The following FBLN5 variants were observed in gnomAD, a reference collection of about 807,000 sequenced individuals.
FBLN5 encodes fibulin-5.
Under a neutral mutation model 61.6 loss-of-function variants are expected in FBLN5, and 24 were observed. The observed-to-expected ratio is 0.39, with a 90% CI of 0.28 to 0.55. The LOEUF (loss-of-function observed/expected upper bound fraction) is 0.55. Ranked by LOEUF, FBLN5 falls within the 20% of genes least tolerant of loss-of-function variation. The pLI is 0.65. For missense variants in FBLN5, 470 were observed against 594.1 expected (o/e 0.79, Z 2.17); for synonymous variants, 213 against 219.8 (o/e 0.97, Z 0.27).
Position 91,870,076 on chromosome 14 carries a change from G to A in FBLN5, c.*148C>T, listed in dbSNP as rs897045795. 2.5e-6 allele frequency: 2 copies of A among 788,128 alleles called. No homozygotes were observed. Among genetic ancestry groups the A allele is most frequent in the Non-Finnish European group, 4.3e-6 (2 of 463,246 alleles). 48.8% of individuals were successfully genotyped at this position (788,128 alleles called of 1,614,324 possible). The stretch of plus-strand genomic sequence containing the variant: ...GACAGGTCTGCAATAGTACAGGTGA[G>A]AGTCAGGAAGTCGGGGCTGACTCTT... On this transcript the variant is annotated 3_prime_UTR_variant, in exon 11 of 11. Coordinates refer to ENST00000342058, the MANE Select transcript of FBLN5 (RefSeq NM_006329.4).
At chr14:91,936,583 T>A (rs1330839948) in intron 4 of FBLN5, among the ~76,000 whole-genome samples, 1 of 152,248 alleles carries the variant, frequency 6.6e-6, no homozygotes, top group African/African-American at 2.4e-5. Context: ...CTCTGAGATT[T>A]ACTTACTGTA....
At chr14:91,888,984 G>T (rs1221846046) in intron 6 of FBLN5, among the ~76,000 whole-genome samples, 1 of 152,222 alleles carries the variant, frequency 6.6e-6, no homozygotes, top group African/African-American at 2.4e-5. Context: ...AGAGCTAAAA[G>T]CCTTCACGGT....
At chr14:91,915,501 T>C (rs890693886) in intron 4 of FBLN5, among the ~76,000 whole-genome samples, 2 of 151,826 alleles carry the variant, frequency 1.3e-5, no homozygotes, top group Admixed American at 6.6e-5. Flanking sequence ...CTGGCTAATA[T>C]GGTGAAACCC....
chr14:91,885,597 G>A (rs1396200415), intron 7 of FBLN5, among the ~76,000 whole-genome samples: 2 of 152,110 alleles, frequency 1.3e-5, no homozygotes, highest in East Asian at 1.9e-4. Context: ...CTCTATGAGG[G>A]TGGTTGGTTG....
chr14:91,873,251 C>A (rs918975149), intron 10 of FBLN5, among the ~76,000 whole-genome samples: 1 of 152,082 alleles, frequency 6.6e-6, no homozygotes, highest in East Asian at 1.9e-4. Context: ...CTTGGTGGTG[C>A]GAAAAGATGA....
chr14:91,915,686 C>CAAAAAAAAAAAAAA (rs34675184), intron 4 of FBLN5, among the ~76,000 whole-genome samples: 2 of 43,736 alleles, frequency 4.6e-5, no homozygotes, highest in African/African-American at 8.6e-5. Flanking sequence ...GACTCCATCT[C>CAAAAAAAAAAAAAA]AAAAAAAAAA....
At chr14:91,915,335 T>C (rs1315365396) in intron 4 of FBLN5, among the ~76,000 whole-genome samples, 1 of 152,040 alleles carries the variant, frequency 6.6e-6, no homozygotes, top group Admixed American at 6.6e-5. Context: ...AAGGTAACTA[T>C]GTAAAACTGA....
At chr14:91,872,872 G>C (rs1426802951) in intron 10 of FBLN5, among the ~76,000 whole-genome samples, 1 of 152,176 alleles carries the variant, frequency 6.6e-6, no homozygotes, top group South Asian at 2.1e-4. Context: ...CGTGAACAAA[G>C]ACCAAGAGTT....
At position 91,940,641 on chromosome 14, in the gene FBLN5, C is replaced by T. The variant is rs1446999664; in HGVS notation, c.73-25G>A. The T allele has an allele frequency of 2.5e-6, 4 of 1,608,130 alleles. No homozygotes were observed. The Admixed American group carries it at 5.0e-5, about 20-fold the overall frequency. On this transcript the variant is annotated intron_variant, in intron 2 of 10. Transcript: ENST00000342058. ...CCTGCAGGGAAGGAGAGAGGAGAAA[C>T]AGGCAAGGTCATTTCACACCATAAA...
intron 3 of FBLN5, chr14:91,940,024 G>C: frequency 2.2e-6 from 1 of 449,898 alleles, no homozygotes; most frequent in Non-Finnish European, 4.4e-6. Context: ...ATGGAGGGAG[G>C]AGCCACCAGC....
chr14:91,943,755 T>C lies in FBLN5; in HGVS notation c.18-794A>G, dbSNP rs12432450. Among the ~76,000 whole-genome samples the C allele has an allele frequency of 0.5, 76,164 of 151,852 alleles. 19,440 individuals carry two copies. The highest frequency in any genetic ancestry group is 0.6 in the South Asian group (2,871 of 4,812). The stretch of plus-strand genomic sequence containing the variant: ...TGAACCAGAGCATTGAGTCCACATG[T>C]GTGAAAATCCCCCATCAGTGGATGG... On this transcript the variant is annotated intron_variant, in intron 1 of 10. Coordinates refer to ENST00000342058, the MANE Select transcript of FBLN5 (RefSeq NM_006329.4). The surrounding 1 kb of genome is among the most constrained non-coding windows in gnomAD (Gnocchi z 4.0).
In FBLN5 at chr14:91,881,484, G is replaced by A. The variant is rs1359647564; in HGVS notation, c.863-66C>T. The A allele has an allele frequency of 8.2e-6, 13 of 1,579,486 alleles. No homozygotes were observed. In the East Asian group the frequency reaches 2.2e-4, roughly 27 times the overall value. On this transcript the variant is annotated intron_variant, in intron 8 of 10. Coordinates refer to ENST00000342058, the MANE Select transcript of FBLN5 (RefSeq NM_006329.4). The stretch of plus-strand genomic sequence containing the variant: ...TTGGCCAGGCCAGACGCGTGGGGGT[G>A]GGGTAGGCTGGATCTTACTACAGAG...
intron 1 of FBLN5, among the ~76,000 whole-genome samples, chr14:91,944,926 T>C (rs1379438788): frequency 2.0e-5 from 3 of 152,148 alleles, no homozygotes; most frequent in Non-Finnish European, 4.4e-5. Context: ...AAAATGGTTA[T>C]GGTAGAAAAA....
At chr14:91,891,145 C>T in intron 6 of FBLN5, 76 bp downstream of exon 6, 1 of 854,170 alleles carries the variant, frequency 1.2e-6, no homozygotes, top group Non-Finnish European at 2.1e-6. Context: ...TTCCCACAAA[C>T]ATAAGCTGCC....
intron 4 of FBLN5, among the ~76,000 whole-genome samples, chr14:91,920,507 G>C (rs901650465): frequency 2.4e-5 from 3 of 124,782 alleles, no homozygotes; most frequent in Non-Finnish European, 5.6e-5. Flanking sequence ...TGGAGATTAA[G>C]AAACCAGAGA....
chr14:91,892,868 GT>G (rs1216725493), intron 5 of FBLN5, among the ~76,000 whole-genome samples: 5 of 152,260 alleles, frequency 3.3e-5, no homozygotes, highest in Non-Finnish European at 5.9e-5. Flanking sequence ...GAGGGCAGGA[GT>G]TCAGCCATAA....
chr14:91,925,750 G>T (rs1348385503), intron 4 of FBLN5, among the ~76,000 whole-genome samples: 1 of 152,174 alleles, frequency 6.6e-6, no homozygotes, highest in African/African-American at 2.4e-5. Flanking sequence ...TTTTCCATTA[G>T]CCCGTCAGTG....
intron 4 of FBLN5, among the ~76,000 whole-genome samples, chr14:91,927,315 T>A (rs891955916): frequency 6.6e-6 from 1 of 152,214 alleles, no homozygotes; most frequent in African/African-American, 2.4e-5. Flanking sequence ...AATCCCTCTG[T>A]TTCTTGCATT....
chr14:91,913,006 T>G (rs1891023459), intron 4 of FBLN5, among the ~76,000 whole-genome samples: 1 of 152,212 alleles, frequency 6.6e-6, no homozygotes, highest in Non-Finnish European at 1.5e-5. Context: ...TAACTCAATA[T>G]GTACTCCATA....
Sources: gnomAD v4.1 joint callset for allele counts (sites outside exome capture counted in the v4.1 genomes callset) on GRCh38, gnomAD v4.1.1 for gene constraint, Gnocchi (gnomAD v3.1) non-coding constraint, MANE v1.5 for transcripts, NCBI Gene and HGNC (gene_info 2026-07-23, HGNC 2026-07-21) for gene names.